SLC6A18: variants seen among roughly 807,000 people sequenced by gnomAD.
SLC6A18 encodes inactive sodium-dependent neutral amino acid transporter B(0)AT3.
In SLC6A18, 58 loss-of-function variants were observed where a neutral mutation model predicts 62.9. The observed-to-expected ratio is 0.92, with a 90% CI of 0.75 to 1.15. SLC6A18 has a LOEUF of 1.15. SLC6A18 is among the 50% of genes most tolerant of loss of function. The pLI is 0.00. For missense variants in SLC6A18, 793 were observed against 836.6 expected (o/e 0.95, Z 0.64); for synonymous variants, 382 against 365.8 (o/e 1.04, Z -0.51).
chr5:1,226,989 G>A (rs1276531558), intron 1 of SLC6A18, among the ~76,000 whole-genome samples: 3 of 148,394 alleles, frequency 2.0e-5, no homozygotes, highest in Non-Finnish European at 4.5e-5. Flanking sequence ...GCCCACCGAT[G>A]CCTTGCCCAC....
At chr5:1,233,960 C>T (rs1338839102) in intron 3 of SLC6A18, among the ~76,000 whole-genome samples, 1 of 152,116 alleles carries the variant, frequency 6.6e-6, no homozygotes, top group African/African-American at 2.4e-5. Flanking sequence ...CCAGGATGGT[C>T]TCGATCTCCT....
chr5:1,239,420 G>A (rs1323476517), intron 5 of SLC6A18, 30 bp from the exon 6 acceptor site: 1 of 1,552,186 alleles, frequency 6.4e-7, no homozygotes, highest in Middle Eastern at 1.7e-4. Flanking sequence ...TTTGCCTGCT[G>A]AGTGAGACGC....
chr5:1,229,440 T>C (rs1282432463), intron 1 of SLC6A18, among the ~76,000 whole-genome samples: 4 of 152,194 alleles, frequency 2.6e-5, no homozygotes, highest in African/African-American at 9.7e-5. Flanking sequence ...CAGGGTGGTC[T>C]CTGACAAACT....
intron 1 of SLC6A18, among the ~76,000 whole-genome samples, chr5:1,228,058 C>T (rs1048921907): frequency 2.0e-5 from 3 of 152,182 alleles, no homozygotes; most frequent in South Asian, 2.1e-4. Context: ...GCACCAAAAA[C>T]GACACTGTAT....
chr5:1,225,675 C>A, intron 1 of SLC6A18, 38 bp downstream of exon 1: 1 of 1,514,680 alleles, frequency 6.6e-7, no homozygotes. Flanking sequence ...GACCCCTAAG[C>A]AGGGGAGGCC....
At chr5:1,234,866 G>A (rs886517670) in intron 3 of SLC6A18, among the ~76,000 whole-genome samples, 24 of 152,322 alleles carry the variant, frequency 1.6e-4, no homozygotes, top group East Asian at 1.5e-3. Flanking sequence ...TGGCCCGGTC[G>A]GGATACCGGT....
chr5:1,241,412 C>T lies in SLC6A18; in HGVS notation c.974+753C>T, dbSNP rs1013333054. Among the ~76,000 whole-genome samples, 1 of 152,190 alleles carries T rather than the reference C, an allele frequency of 6.6e-6. No individual in the cohort carries two copies. Among genetic ancestry groups the T allele is most frequent in the Non-Finnish European group, 1.5e-5 (1 of 68,034 alleles). Reference sequence around the variant, plus strand: ...TTGTGTGAGGGGTGTGCCTGGCATCCAGTGGGTGGAGGCCGAGGATACCTC... The same window carrying T: ...TTGTGTGAGGGGTGTGCCTGGCATCTAGTGGGTGGAGGCCGAGGATACCTC... On this transcript the variant is annotated intron_variant, in intron 7 of 11. Coordinates refer to ENST00000324642, the MANE Select transcript of SLC6A18 (RefSeq NM_182632.3). This position sits in a 1 kb window ranked among gnomAD's most constrained non-coding sequence, Gnocchi z 7.8.
In SLC6A18 at chr5:1,241,930, G is replaced by A. The variant is rs1256288225; in HGVS notation, c.975-777G>A. On this transcript the variant is annotated intron_variant, in intron 7 of 11. Coordinates refer to ENST00000324642, the MANE Select transcript of SLC6A18 (RefSeq NM_182632.3). This position sits in a 1 kb window ranked among gnomAD's most constrained non-coding sequence, Gnocchi z 7.8. ...CCACATGGGGCTAGAAGTGAGGGGA[G>A]CGAGGTCTCTCTCTTCAGGATTGTT... is the stretch of plus-strand genomic sequence containing the variant. 6.6e-6 allele frequency among the ~76,000 whole-genome samples: 1 copy of A among 152,240 alleles called. No homozygotes were observed. The highest frequency in any genetic ancestry group is 2.4e-5 in the African/African-American group (1 of 41,470).
At position 1,246,155 on chromosome 5, in the gene SLC6A18, G is replaced by A. The variant is rs1380133802; in HGVS notation, c.*77G>A. On this transcript the variant is annotated 3_prime_UTR_variant, in exon 12 of 12. Transcript: ENST00000324642. ...GATGGTGGGCGGGGCCCCGCCCACA[G>A]GGCCGACCCCAATACACCAGCGACT... The A allele has an allele frequency of 1.9e-6, 2 of 1,066,190 alleles. No individual in the cohort carries two copies. Among genetic ancestry groups the A allele is most frequent in the Non-Finnish European group, 2.6e-6 (2 of 762,510 alleles). 66.0% of individuals were successfully genotyped at this position (1,066,190 alleles called of 1,614,324 possible). A position where few individuals can be genotyped will look rare whatever the true frequency, so the allele number is the denominator to read the frequency against.
chr5:1,237,659 C>T (rs2126535584), intron 4 of SLC6A18, among the ~76,000 whole-genome samples: 1 of 152,282 alleles, frequency 6.6e-6, no homozygotes, highest in East Asian at 1.9e-4. Context: ...GGGCCCAGCC[C>T]CTTTGCTCAA....
chr5:1,242,782 C>T lies in SLC6A18; in HGVS notation c.1050C>T (p.Leu350=), dbSNP rs997160366. The change falls in exon 8 of 12, where the codon CTC becomes CTT. Residue 350 remains leucine, a synonymous_variant. Coordinates refer to ENST00000324642, the MANE Select transcript of SLC6A18 (RefSeq NM_182632.3). ...CCAGGGACGACTACCCAGCCGTCCT[C>T]ATGCACCTGAACGCCACCTGGCCCA... ...SISRDDYPAV[L]MHLNATWPKR... 1.2e-5 allele frequency: 19 copies of T among 1,614,058 alleles called. No homozygotes were observed. The highest frequency in any genetic ancestry group is 1.6e-5 in the Non-Finnish European group (19 of 1,179,944).
intron 7 of SLC6A18, 90 bp from the exon 8 acceptor site, chr5:1,242,617 G>T: frequency 6.6e-7 from 1 of 1,504,784 alleles, no homozygotes; most frequent in Non-Finnish European, 8.9e-7. Context: ...CCCTCCCAGG[G>T]ATGCTGTGCT....
At chr5:1,234,154 G>C (rs376620463) in intron 3 of SLC6A18, among the ~76,000 whole-genome samples, 1 of 152,184 alleles carries the variant, frequency 6.6e-6, no homozygotes, top group East Asian at 1.9e-4. Flanking sequence ...AAAGCACTGG[G>C]ATGACAGGTG....
rs1441972379 is a variant in SLC6A18 at position 1,241,271 on chromosome 5, T to C, written c.974+612T>C. ...CACCCAACTTGCTTGTGAACTACCTTCAGGTGGGTCCTTGAGAACCCACTG... is the reference window on the plus strand; with the variant it reads ...CACCCAACTTGCTTGTGAACTACCTCCAGGTGGGTCCTTGAGAACCCACTG... On this transcript the variant is annotated intron_variant, in intron 7 of 11. Coordinates refer to ENST00000324642, the MANE Select transcript of SLC6A18 (RefSeq NM_182632.3). The surrounding 1 kb of genome is among the most constrained non-coding windows in gnomAD (Gnocchi z 7.8). Among the ~76,000 whole-genome samples, 1 of 152,138 alleles carries C rather than the reference T, an allele frequency of 6.6e-6. No individual in the cohort carries two copies. Among genetic ancestry groups the C allele is most frequent in the East Asian group, 1.9e-4 (1 of 5,192 alleles).
Position 1,225,426 on chromosome 5 carries a change from G to C in SLC6A18, c.-52G>C. On this transcript the variant is annotated 5_prime_UTR_variant, in exon 1 of 12. Transcript: ENST00000324642. ...GGCTGGAGACGGCTCTCTAGTGCTG[G>C]GTGTGGAGTGAGGCACCACCCTTGC... The C allele has an allele frequency of 3.8e-6, 6 of 1,560,340 alleles. No homozygotes were observed. The highest frequency in any genetic ancestry group is 5.2e-6 in the Non-Finnish European group (6 of 1,153,444).
chr5:1,237,930 A>T lies in SLC6A18; in HGVS notation c.622-20A>T. The T allele has an allele frequency of 6.3e-7, 1 of 1,598,208 alleles. No individual in the cohort carries two copies. The highest frequency in any genetic ancestry group is 1.3e-5 in the African/African-American group (1 of 74,596). On this transcript the variant is annotated intron_variant, in intron 4 of 11. Coordinates refer to ENST00000324642, the MANE Select transcript of SLC6A18 (RefSeq NM_182632.3). ...ACCAGAGGCCATTTCAAGTCTCATG[A>T]CTCCACCTTTTGTTTCAAGGTGATT...
intron 6 of SLC6A18, 81 bp downstream of exon 6, chr5:1,239,643 T>C: frequency 9.0e-7 from 1 of 1,108,614 alleles, no homozygotes; most frequent in Non-Finnish European, 1.4e-6. Flanking sequence ...GATCACACTG[T>C]GGATCCAAGG....
chr5:1,230,874 C>T (rs1188284053), intron 1 of SLC6A18, among the ~76,000 whole-genome samples: 4 of 152,176 alleles, frequency 2.6e-5, no homozygotes, highest in Middle Eastern at 3.2e-3. Flanking sequence ...TGGGCACAGA[C>T]GTGGAGCTGC....
Position 1,232,481 on chromosome 5 carries a change from G to C in SLC6A18, c.301+122G>C, listed in dbSNP as rs1010574157. ...GGAAGCGGCCAGGCCAGGCCGGCGG[G>C]TGGGGTGGCAGGGAGCCCTTGGGTG... On this transcript the variant is annotated intron_variant, in intron 2 of 11. Coordinates refer to ENST00000324642, the MANE Select transcript of SLC6A18 (RefSeq NM_182632.3). 5.9e-6 allele frequency: 8 copies of C among 1,356,200 alleles called. No individual in the cohort carries two copies. In the African/African-American group the frequency reaches 1.2e-4, roughly 20 times the overall value. 84.0% of individuals were successfully genotyped at this position (1,356,200 alleles called of 1,614,324 possible).
Sources: allele counts gnomAD v4.1 joint callset (sites outside exome capture counted in the v4.1 genomes callset), GRCh38; gene constraint gnomAD v4.1.1; non-coding constraint Gnocchi (gnomAD v3.1); transcripts MANE v1.5; gene names NCBI Gene and HGNC (gene_info 2026-07-23, HGNC 2026-07-21).